The following VPS13B variants were observed in gnomAD, a reference collection of about 807,000 sequenced individuals.
VPS13B encodes vacuolar protein sorting 13 homolog B.
VPS13B carries 285 observed loss-of-function variants against 426.4 expected under a neutral mutation model. That is an observed-to-expected ratio of 0.67 (90% CI 0.61 to 0.74). The LOEUF (loss-of-function observed/expected upper bound fraction) is 0.74. Ranked by LOEUF, VPS13B falls within the 30% of genes least tolerant of loss-of-function variation. The pLI is 0.00. For missense variants in VPS13B, 4,537 were observed against 4,782.6 expected (o/e 0.95, Z 1.51); for synonymous variants, 1,676 against 1,676.4 (o/e 1.00, Z 0.01).
At chr8:99,116,645 G>C (rs1214067557) in intron 7 of VPS13B, among the ~76,000 whole-genome samples, 1 of 150,734 alleles carries the variant, frequency 6.6e-6, no homozygotes, top group Admixed American at 6.6e-5. Context: ...TGTTGCCCAG[G>C]CTGGTCTCAA....
intron 23 of VPS13B, among the ~76,000 whole-genome samples, chr8:99,465,196 G>A (rs144149620): frequency 8.5e-4 from 130 of 152,212 alleles, no homozygotes; most frequent in African/African-American, 2.9e-3. Context: ...TATTTTGCCA[G>A]TATTATAAGT....
At position 99,666,392 on chromosome 8, in the gene VPS13B, C is replaced by T. The variant is rs576085523; in HGVS notation, c.6046+4901C>T. On this transcript the variant is annotated intron_variant, in intron 35 of 61. Transcript: ENST00000357162. The stretch of plus-strand genomic sequence containing the variant: ...TTACACCAATATCCTTGATGAACAT[C>T]GATGCAAAAATCCTCAATAAAATAC... Among the ~76,000 whole-genome samples the T allele has an allele frequency of 2.6e-3, 399 of 152,184 alleles. 2 individuals carry two copies. The highest frequency in any genetic ancestry group is 2.6e-3 in the African/African-American group (109 of 41,526).
At chr8:99,561,752 G>T (rs1008906119) in intron 31 of VPS13B, among the ~76,000 whole-genome samples, 34 of 152,282 alleles carry the variant, frequency 2.2e-4, no homozygotes, top group African/African-American at 7.5e-4. Flanking sequence ...AACTTACAAT[G>T]AGTTTGTCAG....
chr8:99,307,376 T>C (rs781760162), intron 19 of VPS13B, among the ~76,000 whole-genome samples: 4 of 152,112 alleles, frequency 2.6e-5, no homozygotes, highest in Non-Finnish European at 4.4e-5. Flanking sequence ...TGTACAGTTA[T>C]ATAATTTCAC....
intron 50 of VPS13B, 29 bp downstream of exon 50, chr8:99,821,511 G>C (rs1814366150): frequency 6.2e-7 from 1 of 1,612,678 alleles, no homozygotes; most frequent in African/African-American, 1.3e-5. Flanking sequence ...TGGCTGGGAG[G>C]AAATAGCATG....
chr8:99,241,281 G>T (rs1335592896), intron 17 of VPS13B: 1 of 152,146 alleles, frequency 6.6e-6, no homozygotes, highest in African/African-American at 2.4e-5. Context: ...GAGGAAAGAG[G>T]ATAGTGATAG....
At chr8:99,507,071 T>A in intron 27 of VPS13B, 66 bp from the exon 28 acceptor site, 1 of 1,539,588 alleles carries the variant, frequency 6.5e-7, no homozygotes, top group Non-Finnish European at 9.0e-7. Flanking sequence ...GAAATAGTTA[T>A]GTATGTTCAA....
chr8:99,360,062 C>A (rs1427749529), intron 19 of VPS13B, among the ~76,000 whole-genome samples: 3 of 149,816 alleles, frequency 2.0e-5, no homozygotes, highest in African/African-American at 7.3e-5. Context: ...CTCGGCCTCC[C>A]AAATGCTGAG....
intron 23 of VPS13B, among the ~76,000 whole-genome samples, chr8:99,460,037 C>G (rs1818743742): frequency 6.6e-6 from 1 of 152,070 alleles, no homozygotes; most frequent in African/African-American, 2.4e-5. Flanking sequence ...GTTAATCTTG[C>G]TATTTAATGC....
chr8:99,084,576 C>T (rs552100631), intron 3 of VPS13B, among the ~76,000 whole-genome samples: 24 of 152,276 alleles, frequency 1.6e-4, no homozygotes, highest in African/African-American at 5.3e-4. Context: ...TTCCTGCTTT[C>T]TCTTGTGGGC....
chr8:99,590,261 T>A (rs2133836674), intron 33 of VPS13B, among the ~76,000 whole-genome samples: 1 of 152,288 alleles, frequency 6.6e-6, no homozygotes, highest in Admixed American at 6.5e-5. Flanking sequence ...AGTCTATCAA[T>A]TTTGTTGATC....
intron 23 of VPS13B, among the ~76,000 whole-genome samples, chr8:99,451,477 T>C (rs1212292210): frequency 6.6e-6 from 1 of 152,190 alleles, no homozygotes; most frequent in African/African-American, 2.4e-5. Flanking sequence ...TAGTCCTTGG[T>C]TGAATCTTAT....
intron 25 of VPS13B, among the ~76,000 whole-genome samples, chr8:99,490,895 A>G (rs968659941): frequency 8.6e-5 from 13 of 151,738 alleles, no homozygotes; most frequent in South Asian, 2.1e-4. Flanking sequence ...TTGTGTCTCT[A>G]TCTCCTTCAG....
intron 17 of VPS13B, among the ~76,000 whole-genome samples, chr8:99,268,796 T>C (rs1365029474): frequency 6.6e-6 from 1 of 152,100 alleles, no homozygotes; most frequent in African/African-American, 2.4e-5. Flanking sequence ...ACATGGGATT[T>C]TGGGGGGGCC....
chr8:99,861,703 C>A (rs762487073), intron 57 of VPS13B, 73 bp from the exon 58 acceptor site: 61 of 1,546,340 alleles, frequency 3.9e-5, no homozygotes, highest in Non-Finnish European at 4.9e-5. Flanking sequence ...GCTCCCGCTG[C>A]CTCTGAAACT....
At chr8:99,276,276 A>C (rs1818890702) in intron 19 of VPS13B, among the ~76,000 whole-genome samples, 2 of 152,124 alleles carry the variant, frequency 1.3e-5, no homozygotes, top group African/African-American at 4.8e-5. Context: ...TAGTATTTGA[A>C]AGGTGAGTCT....
intron 12 of VPS13B, among the ~76,000 whole-genome samples, chr8:99,140,403 AG>A (rs1810347876): frequency 6.6e-6 from 1 of 151,526 alleles, no homozygotes; most frequent in East Asian, 1.9e-4. Context: ...AAGTAAATAC[AG>A]TAATAAAGGA....
At chr8:99,429,296 A>G (rs576484546) in intron 21 of VPS13B, among the ~76,000 whole-genome samples, 1 of 152,266 alleles carries the variant, frequency 6.6e-6, no homozygotes, top group East Asian at 1.9e-4. Flanking sequence ...AAAAAAAAAA[A>G]AAGAAAAAGT....
chr8:99,016,522 GAAGTCT>G (rs1330221615), intron 2 of VPS13B, among the ~76,000 whole-genome samples: 1 of 122,362 alleles, frequency 8.2e-6, no homozygotes, highest in Non-Finnish European at 1.7e-5. Flanking sequence ...TTTTTTTTGT[GAAGTCT>G]AAGTCTTTTT....
Sources: allele counts gnomAD v4.1 joint callset (sites outside exome capture counted in the v4.1 genomes callset), GRCh38; gene constraint gnomAD v4.1.1; transcripts MANE v1.5; gene names NCBI Gene and HGNC (gene_info 2026-07-23, HGNC 2026-07-21).